SPHKAP: variants seen among roughly 807,000 people sequenced by gnomAD.
SPHKAP encodes A-kinase anchor protein SPHKAP.
Under a neutral mutation model 137.5 loss-of-function variants are expected in SPHKAP, and 67 were observed. The ratio of observed to expected loss-of-function variants is 0.49; its 90% CI spans 0.40 to 0.60. The LOEUF (loss-of-function observed/expected upper bound fraction) is 0.60. Among genes scored for constraint, SPHKAP ranks in the 20% least tolerant of loss-of-function variants. The pLI is 0.00. For missense variants in SPHKAP, 2,097 were observed against 2,069.3 expected, an observed-to-expected ratio of 1.01 and a Z score of -0.26; for synonymous variants, 813 against 785.3, an observed-to-expected ratio of 1.04 and a Z score of -0.59.
intron 3 of SPHKAP, among the ~76,000 whole-genome samples, chr2:228,040,951 C>G (rs1695817211): frequency 6.6e-6 from 1 of 151,810 alleles, no homozygotes; most frequent in Admixed American, 6.6e-5. Context: ...GAAAGTAGGC[C>G]CTAAGTAATT....
Position 228,175,091 on chromosome 2 carries a change from T to C in SPHKAP, c.32+6476A>G, listed in dbSNP as rs150795434. On this transcript the variant is annotated intron_variant, in intron 1 of 11. Transcript: ENST00000392056. The stretch of plus-strand genomic sequence containing the variant: ...TATCCAAGAGCTGTATTCTAATATA[T>C]ATGCAATTAAAATTCTAGAAGGAAA... Among the ~76,000 whole-genome samples the C allele has an allele frequency of 6.8e-3, 1,025 of 150,572 alleles. 16 individuals are homozygous for C. The highest frequency in any genetic ancestry group is 0.023 in the African/African-American group (955 of 41,090).
At chr2:228,010,833 G>C (rs151257109) in intron 7 of SPHKAP, among the ~76,000 whole-genome samples, 249 of 152,114 alleles carry the variant, frequency 1.6e-3, no homozygotes, top group African/African-American at 5.6e-3. Context: ...TTAAACATAA[G>C]TACTTTACAT....
chr2:227,984,345 A>G (rs534079713), intron 11 of SPHKAP, among the ~76,000 whole-genome samples: 1 of 151,908 alleles, frequency 6.6e-6, no homozygotes, highest in South Asian at 2.1e-4. Context: ...TTTTCAAAGA[A>G]AGTATTCATT....
chr2:228,091,406 G>C (rs935376486), intron 3 of SPHKAP, among the ~76,000 whole-genome samples: 1 of 152,040 alleles, frequency 6.6e-6, no homozygotes, highest in Non-Finnish European at 1.5e-5. Flanking sequence ...TGAAAACAAA[G>C]ATAAATAGGT....
intron 3 of SPHKAP, among the ~76,000 whole-genome samples, chr2:228,086,269 C>G (rs888539368): frequency 2.6e-5 from 4 of 152,152 alleles, no homozygotes; most frequent in South Asian, 2.1e-4. Context: ...TACTAAAACT[C>G]CGCTAGAAGA....
At chr2:228,166,077 C>T (rs13431126) in intron 1 of SPHKAP, among the ~76,000 whole-genome samples, 20,508 of 152,090 alleles carry the variant, frequency 0.13, 1,391 homozygotes, top group East Asian at 0.2. Flanking sequence ...AGAAAATCCA[C>T]GAGGACTATG....
Position 228,017,977 on chromosome 2 carries a change from A to T in SPHKAP, c.2877T>A (p.Phe959Leu). 6.2e-7 allele frequency: 1 copy of T among 1,614,098 alleles called. No individual in the cohort carries two copies. The highest frequency in any genetic ancestry group is 8.5e-7 in the Non-Finnish European group (1 of 1,180,016). Residue 959 changes from phenylalanine (F) to leucine (L), a missense_variant, in exon 7 of 12, where the codon TTT becomes TTA. By Grantham distance (22) the Phe-to-Leu change is conservative (BLOSUM62 0). Transcript: ENST00000392056. ...LDNSSGKQPW[F>L]CAWKRGSEFL... Reference sequence around the variant, plus strand: ...ACTCACTCCCTCTTTTCCATGCACAAAACCAGGGTTGTTTTCCACTGGAGT... The same window carrying T: ...ACTCACTCCCTCTTTTCCATGCACATAACCAGGGTTGTTTTCCACTGGAGT...
At chr2:228,139,910 T>TTTTC (rs368274825) in intron 1 of SPHKAP, among the ~76,000 whole-genome samples, 4,550 of 137,614 alleles carry the variant, frequency 0.033, 178 homozygotes, top group Non-Finnish European at 0.051. Flanking sequence ...TCTTTATTTA[T>TTTTC]TTTCTTTCTT....
chr2:228,106,063 G>A (rs1435228170), intron 3 of SPHKAP, among the ~76,000 whole-genome samples: 6 of 152,174 alleles, frequency 3.9e-5, no homozygotes, highest in African/African-American at 7.2e-5. Flanking sequence ...TATATTAACC[G>A]TGAAATGAGT....
chr2:227,991,607 C>A lies in SPHKAP; in HGVS notation c.4722-281G>T, dbSNP rs138093591. The A allele has an allele frequency of 5.3e-5, 52 of 985,416 alleles. No homozygotes were observed. In the African/African-American group the frequency reaches 7.8e-4, roughly 15 times the overall value. The allele number at this position is 985,416 out of a possible 1,614,324, so 61.0% of individuals were successfully genotyped here. A position where few individuals can be genotyped will look rare whatever the true frequency, so the allele number is the denominator to read the frequency against. On this transcript the variant is annotated intron_variant, in intron 9 of 11. Coordinates refer to ENST00000392056, the MANE Select transcript of SPHKAP (RefSeq NM_001142644.2). Reference sequence around the variant, plus strand: ...GTGGGAGACTGAGAGATGCAACCTTCTCTTCAACCTCCTTACCATAAACTT... The same window carrying A: ...GTGGGAGACTGAGAGATGCAACCTTATCTTCAACCTCCTTACCATAAACTT...
intron 2 of SPHKAP, among the ~76,000 whole-genome samples, chr2:228,126,689 A>T (rs183123393): frequency 1.9e-4 from 29 of 152,292 alleles, no homozygotes; most frequent in African/African-American, 6.0e-4. Flanking sequence ...TGGTCATCCT[A>T]GCTCTGGGGA....
Position 228,025,279 on chromosome 2 carries a change from C to T in SPHKAP, c.441+115G>A, listed in dbSNP as rs541207408. 42 of 1,138,640 alleles carry T rather than the reference C, an allele frequency of 3.7e-5. No homozygotes were observed. The African/African-American group carries it at 6.5e-4, about 18-fold the overall frequency. The allele number at this position is 1,138,640 out of a possible 1,614,324, so 70.5% of individuals were successfully genotyped here. ...CAGACTTTTCTCAAATATAAAGACA[C>T]TTTGATTCCTATGTTACAGAAGCTT... is the stretch of plus-strand genomic sequence containing the variant. On this transcript the variant is annotated intron_variant, in intron 5 of 11. Transcript: ENST00000392056.
chr2:228,025,859 G>T, intron 4 of SPHKAP: 1 of 984,646 alleles, frequency 1.0e-6, no homozygotes, highest in Non-Finnish European at 1.2e-6. Flanking sequence ...TTAAGACCTT[G>T]CATAAAACAT....
intron 7 of SPHKAP, among the ~76,000 whole-genome samples, chr2:228,003,084 GT>G (rs999531956): frequency 4.6e-5 from 7 of 152,166 alleles, no homozygotes; most frequent in African/African-American, 1.7e-4. Flanking sequence ...CTTTAAAGTA[GT>G]TTTTTCCAAT....
intron 2 of SPHKAP, among the ~76,000 whole-genome samples, chr2:228,119,471 A>ACT (rs58155215): frequency 0.036 from 5,330 of 148,522 alleles, 316 homozygotes; most frequent in African/African-American, 0.12. Context: ...ACACACACAC[A>ACT]CTCTCTCTCT....
At chr2:227,995,888 T>A in intron 7 of SPHKAP, 194 bp from the exon 8 acceptor site, 1 of 964,326 alleles carries the variant, frequency 1.0e-6, no homozygotes, top group Non-Finnish European at 1.2e-6. Flanking sequence ...CAGCCAGCTT[T>A]TCCATCTCTT....
At chr2:228,078,435 C>T (rs900654771) in intron 3 of SPHKAP, among the ~76,000 whole-genome samples, 4 of 146,574 alleles carry the variant, frequency 2.7e-5, no homozygotes, top group Non-Finnish European at 4.4e-5. Context: ...TCAACATACA[C>T]ACCGTAAGGC....
intron 1 of SPHKAP, among the ~76,000 whole-genome samples, chr2:228,168,868 C>T (rs905326131): frequency 2.6e-5 from 4 of 152,022 alleles, no homozygotes; most frequent in African/African-American, 9.7e-5. Flanking sequence ...GGAAAAAGTG[C>T]TTGAAGGAAA....
intron 1 of SPHKAP, among the ~76,000 whole-genome samples, chr2:228,161,286 C>G (rs1257050929): frequency 6.6e-6 from 1 of 152,158 alleles, no homozygotes; most frequent in Non-Finnish European, 1.5e-5. Context: ...CAGGAAAAGC[C>G]TGGATAGGAA....
Sources: allele counts gnomAD v4.1 joint callset (sites outside exome capture counted in the v4.1 genomes callset), GRCh38; gene constraint gnomAD v4.1.1; transcripts MANE v1.5; gene names NCBI Gene and HGNC (gene_info 2026-07-23, HGNC 2026-07-21).